Variants in STK32B observed in about 807,000 individuals in gnomAD.
STK32B encodes serine/threonine kinase 32B.
In STK32B, 43 loss-of-function variants were observed where a neutral mutation model predicts 52.6. The ratio of observed to expected loss-of-function variants is 0.82; its 90% CI spans 0.64 to 1.05. STK32B has a LOEUF of 1.05. Among genes scored for constraint, STK32B ranks in the 50% least tolerant of loss-of-function variants. STK32B has a pLI of 0.00. For missense variants in STK32B, 621 were observed against 534.6 expected (o/e 1.16, Z -1.59); for synonymous variants, 238 against 204.3 (o/e 1.17, Z -1.41).
intron 3 of STK32B, among the ~76,000 whole-genome samples, chr4:5,189,832 A>G (rs1577164899): frequency 6.6e-6 from 1 of 152,058 alleles, no homozygotes; most frequent in African/African-American, 2.4e-5. Flanking sequence ...TGGAGTTGTC[A>G]GTGTTTGGAT....
intron 11 of STK32B, among the ~76,000 whole-genome samples, chr4:5,468,502 G>A (rs1717610237): frequency 6.6e-6 from 1 of 152,194 alleles, no homozygotes; most frequent in Non-Finnish European, 1.5e-5. Flanking sequence ...TTAAGACGCG[G>A]GGCTGTGAGA....
chr4:5,260,579 A>G (rs1233805495), intron 3 of STK32B, among the ~76,000 whole-genome samples: 2 of 152,300 alleles, frequency 1.3e-5, no homozygotes, highest in African/African-American at 2.4e-5. Context: ...CTAGGCTACT[A>G]ACTTTGAAAG....
At chr4:5,146,607 G>A (rs553631106) in intron 2 of STK32B, among the ~76,000 whole-genome samples, 119 of 152,202 alleles carry the variant, frequency 7.8e-4, no homozygotes, top group African/African-American at 1.9e-3. Flanking sequence ...GTCTCTTATG[G>A]CAACACCCTC....
At chr4:5,295,397 T>A (rs1321552759) in intron 3 of STK32B, among the ~76,000 whole-genome samples, 1 of 151,572 alleles carries the variant, frequency 6.6e-6, no homozygotes, top group Non-Finnish European at 1.5e-5. Flanking sequence ...TGAATCTATA[T>A]GGTCCTGGAC....
At chr4:5,069,153 G>A (rs1466810078) in intron 1 of STK32B, among the ~76,000 whole-genome samples, 1 of 151,544 alleles carries the variant, frequency 6.6e-6, no homozygotes, top group African/African-American at 2.4e-5. Flanking sequence ...GCCCAGCTTA[G>A]GGGTTTGTGT....
At chr4:5,178,223 A>G (rs193097585) in intron 3 of STK32B, among the ~76,000 whole-genome samples, 1 of 152,342 alleles carries the variant, frequency 6.6e-6, no homozygotes, top group Non-Finnish European at 1.5e-5. Context: ...ATTTCTATGC[A>G]TCCATATGCC....
intron 4 of STK32B, among the ~76,000 whole-genome samples, chr4:5,358,411 C>A (rs541810944): frequency 6.1e-4 from 93 of 152,302 alleles, no homozygotes; most frequent in African/African-American, 2.2e-3. Context: ...AATGTCAGCA[C>A]AAAGTGAGAA....
chr4:5,299,422 T>A (rs974002702), intron 3 of STK32B, among the ~76,000 whole-genome samples: 2 of 152,186 alleles, frequency 1.3e-5, no homozygotes, highest in South Asian at 4.1e-4. Context: ...TACATTTTTT[T>A]AATCCATCTT....
intron 4 of STK32B, among the ~76,000 whole-genome samples, chr4:5,369,901 C>A (rs573383455): frequency 6.6e-6 from 1 of 151,192 alleles, no homozygotes. Flanking sequence ...TTTGAGACGG[C>A]GTCTTGCTCT....
chr4:5,102,512 C>T (rs1331835866), intron 1 of STK32B, among the ~76,000 whole-genome samples: 1 of 132,746 alleles, frequency 7.5e-6, no homozygotes, highest in Non-Finnish European at 1.6e-5. Flanking sequence ...CTCCCTCCCT[C>T]CTTCCTTCTT....
intron 6 of STK32B, among the ~76,000 whole-genome samples, chr4:5,437,663 G>C (rs2109101990): frequency 6.6e-6 from 1 of 152,280 alleles, no homozygotes; most frequent in South Asian, 2.1e-4. Context: ...ATCTCCAAAT[G>C]CCTCTGCCTC....
At chr4:5,496,231 C>G (rs1720234309) in intron 11 of STK32B, among the ~76,000 whole-genome samples, 2 of 152,246 alleles carry the variant, frequency 1.3e-5, no homozygotes, top group East Asian at 1.9e-4. Context: ...TGGGCTCCAT[C>G]CAGTTCCAGC....
At chr4:5,418,351 TATATC>T (rs1712332371) in intron 6 of STK32B, among the ~76,000 whole-genome samples, 3 of 152,242 alleles carry the variant, frequency 2.0e-5, no homozygotes, top group South Asian at 2.1e-4. Flanking sequence ...TGATTATTAA[TATATC>T]ATATGCATGA....
rs528394240 is a variant in STK32B, at chr4:5,495,405, G to T, written c.1107-3540G>T. Among the ~76,000 whole-genome samples, 48 of 151,988 alleles carry T rather than the reference G, an allele frequency of 3.2e-4. 1 individual carries two copies. Among genetic ancestry groups the T allele is most frequent in the South Asian group, 6.2e-4 (3 of 4,804 alleles). On this transcript the variant is annotated intron_variant, in intron 11 of 11. Transcript: ENST00000282908. The stretch of plus-strand genomic sequence containing the variant: ...CTTCTGCATTCTTCATGTAGTTCTC[G>T]AGCCTTGGCTTTCAGCTCCATCAGC...
intron 11 of STK32B, among the ~76,000 whole-genome samples, chr4:5,494,828 C>T (rs1410695469): frequency 2.6e-5 from 4 of 152,128 alleles, no homozygotes; most frequent in Admixed American, 2.0e-4. Flanking sequence ...TTCTCCTTCA[C>T]TTTTGAAGCT....
chr4:5,035,287 C>T, the STK32B span, among the ~76,000 whole-genome samples: 14 of 152,306 alleles, frequency 9.2e-5, no homozygotes, highest in Admixed American at 3.3e-4. Context: ...ACTTCTTAGC[C>T]TTATTCTCAC....
At chr4:5,068,462 T>C (rs1230591415) in intron 1 of STK32B, among the ~76,000 whole-genome samples, 2 of 152,166 alleles carry the variant, frequency 1.3e-5, no homozygotes, top group African/African-American at 2.4e-5. Flanking sequence ...AGAATAACAG[T>C]GTGAGAGAGG....
intron 3 of STK32B, among the ~76,000 whole-genome samples, chr4:5,180,135 A>G (rs1023295755): frequency 2.6e-5 from 4 of 152,214 alleles, no homozygotes; most frequent in African/African-American, 4.8e-5. Flanking sequence ...CCCACATGCC[A>G]TGTCCTTGTC....
intron 2 of STK32B, among the ~76,000 whole-genome samples, chr4:5,151,211 GGTT>G: frequency 6.6e-6 from 1 of 152,140 alleles, no homozygotes; most frequent in East Asian, 1.9e-4. Context: ...TTCAGCACAA[GGTT>G]AACCTGCTTT....
Sources: gnomAD v4.1 joint callset for allele counts (sites outside exome capture counted in the v4.1 genomes callset) on GRCh38, gnomAD v4.1.1 for gene constraint, MANE v1.5 for transcripts, NCBI Gene and HGNC (gene_info 2026-07-23, HGNC 2026-07-21) for gene names.